TFCP2L1: variants seen among roughly 807,000 people sequenced by gnomAD.
TFCP2L1 encodes the protein transcription factor CP2 like 1.
TFCP2L1 carries 12 observed loss-of-function variants against 72.2 expected under a neutral mutation model. The observed-to-expected ratio is 0.17, with a 90% CI of 0.11 to 0.27. TFCP2L1 has a LOEUF of 0.27. Ranked by LOEUF, TFCP2L1 falls within the 10% of genes least tolerant of loss-of-function variation. The probability of loss-of-function intolerance (pLI) is 1.00; values close to 1 mark genes in which losing one functional copy is unlikely to be tolerated. For synonymous variants in TFCP2L1, 260 were observed against 251.0 expected, an observed-to-expected ratio of 1.04 and a Z score of -0.34; for missense variants, 488 against 624.6, an observed-to-expected ratio of 0.78 and a Z score of 2.33.
chr2:121,267,142 T>C (rs1686947938), intron 2 of TFCP2L1, among the ~76,000 whole-genome samples: 1 of 152,082 alleles, frequency 6.6e-6, no homozygotes, highest in African/African-American at 2.4e-5. Flanking sequence ...GGTCTTGAAC[T>C]CCTGGCCTCA....
intron 1 of TFCP2L1, among the ~76,000 whole-genome samples, chr2:121,281,684 T>A (rs1687265379): frequency 6.6e-6 from 1 of 152,204 alleles, no homozygotes; most frequent in Non-Finnish European, 1.5e-5. Flanking sequence ...ACATTTTTAT[T>A]TTTTAATCAA....
At chr2:121,271,785 CA>C (rs1400212042) in intron 2 of TFCP2L1, among the ~76,000 whole-genome samples, 1 of 152,170 alleles carries the variant, frequency 6.6e-6, no homozygotes, top group Non-Finnish European at 1.5e-5. Flanking sequence ...AGAAGCTGGT[CA>C]AAAAGACAGA....
intron 2 of TFCP2L1, among the ~76,000 whole-genome samples, chr2:121,258,118 T>G (rs1009115467): frequency 6.6e-6 from 1 of 152,164 alleles, no homozygotes; most frequent in Non-Finnish European, 1.5e-5. Flanking sequence ...ACCTCACTCA[T>G]GTAAAGAAAT....
In TFCP2L1 at chr2:121,234,097, G is replaced by A. The variant is rs759246199; in HGVS notation, c.1192C>T (p.Leu398=). 6.2e-7 allele frequency: 1 copy of A among 1,613,200 alleles called. No individual in the cohort carries two copies. The highest frequency in any genetic ancestry group is 2.2e-5 in the East Asian group (1 of 44,896). Residue 398 remains leucine (L), a synonymous_variant, in exon 12 of 15, where the codon CTG becomes TTG. Coordinates refer to ENST00000263707, the MANE Select transcript of TFCP2L1 (RefSeq NM_014553.3). ...TCTGCTCCCCACAACTCACCAGACA[G>A]GTTGCTGTCTCCACTGCCGTCCCGC... The part of the protein sequence containing the change: ...QKRDGSGDSN[L]SVYHAIFLEE...
At position 121,246,950 on chromosome 2, in the gene TFCP2L1, T is replaced by C. The variant is rs1361857786; in HGVS notation, c.525A>G (p.Glu175=). 6.2e-7 allele frequency: 1 copy of C among 1,614,086 alleles called. No homozygotes were observed. The highest frequency in any genetic ancestry group is 1.1e-5 in the South Asian group (1 of 91,076). Residue 175 remains glutamate, a synonymous_variant, in exon 6 of 15, where the codon GAA becomes GAG. Coordinates refer to ENST00000263707, the MANE Select transcript of TFCP2L1 (RefSeq NM_014553.3). ...CGCCCCCGTGCTTCCTGGGGGTGAA[T>C]TCTGTGCTGATGCAGTGTACCTGGG... ...AFIQVHCIST[E]FTPRKHGGEK... is the part of the protein sequence containing the mutation.
At chr2:121,250,475 C>T (rs977735054) in intron 2 of TFCP2L1, among the ~76,000 whole-genome samples, 1 of 150,188 alleles carries the variant, frequency 6.7e-6, no homozygotes, top group African/African-American at 2.5e-5. Context: ...ATATATATAA[C>T]TCAAATGATG....
intron 10 of TFCP2L1, among the ~76,000 whole-genome samples, chr2:121,236,996 G>A (rs1387850970): frequency 4.6e-5 from 7 of 152,216 alleles, no homozygotes; most frequent in East Asian, 1.9e-4. Context: ...ATGTGCGGGC[G>A]TCGTTTCTCT....
chr2:121,236,364 T>C (rs1054830196), intron 10 of TFCP2L1, among the ~76,000 whole-genome samples: 2 of 152,132 alleles, frequency 1.3e-5, no homozygotes, highest in Non-Finnish European at 2.9e-5. Flanking sequence ...ACCAGCAGCA[T>C]GTGAGGACGG....
intron 1 of TFCP2L1, among the ~76,000 whole-genome samples, chr2:121,284,618 C>T (rs1687328431): frequency 6.6e-6 from 1 of 152,200 alleles, no homozygotes; most frequent in South Asian, 2.1e-4. Context: ...AGAGGGGCCC[C>T]GGCGGAGACG....
At chr2:121,280,607 A>C (rs1687236104) in intron 2 of TFCP2L1, among the ~76,000 whole-genome samples, 1 of 151,976 alleles carries the variant, frequency 6.6e-6, no homozygotes, top group African/African-American at 2.4e-5. Context: ...CAAAAAATTT[A>C]AAAATTAGCC....
At position 121,231,593 on chromosome 2, in the gene TFCP2L1, C is replaced by T. The variant is rs541521408; in HGVS notation, c.1341+233G>A. On this transcript the variant is annotated intron_variant, in intron 13 of 14. Transcript: ENST00000263707. ...TGGAGTCTGTCCTCCTGGCTCCCAC[C>T]GGGCACCCAGCCCAGGAGGGGTAAG... 1.2e-4 allele frequency among the ~76,000 whole-genome samples: 19 copies of T among 152,370 alleles called. No homozygotes were observed. In the East Asian group the frequency reaches 1.9e-3, roughly 15 times the overall value.
Position 121,239,628 on chromosome 2 carries a change from C to T in TFCP2L1, c.790G>A (p.Ala264Thr). 1 of 1,614,152 alleles carries T rather than the reference C, an allele frequency of 6.2e-7. No individual in the cohort carries two copies. The highest frequency in any genetic ancestry group is 8.5e-7 in the Non-Finnish European group (1 of 1,180,014). ...LTECSPWPDV[A>T]YQVNSAPSPS... ...GACGGGGCGCTGTTCACCTGGTAGGCCACGTCGGGCCATGGAGAGCACTGC... is the reference window on the plus strand; with the variant it reads ...GACGGGGCGCTGTTCACCTGGTAGGTCACGTCGGGCCATGGAGAGCACTGC... Residue 264 changes from alanine (A) to threonine (T), a missense_variant, in exon 8 of 15, where the codon GCC (alanine) becomes ACC (threonine). By Grantham distance (58) the Ala-to-Thr change is moderately conservative. Transcript: ENST00000263707.
intron 2 of TFCP2L1, among the ~76,000 whole-genome samples, chr2:121,258,649 A>G (rs1167475333): frequency 6.6e-6 from 1 of 152,076 alleles, no homozygotes; most frequent in Non-Finnish European, 1.5e-5. Context: ...ACCATCTACA[A>G]CCTCCTGGCC....
At chr2:121,270,047 T>C (rs970700320) in intron 2 of TFCP2L1, among the ~76,000 whole-genome samples, 5 of 150,994 alleles carry the variant, frequency 3.3e-5, no homozygotes, top group African/African-American at 1.2e-4. Context: ...TACAAATAAA[T>C]AAGGATGAAA....
chr2:121,240,544 C>G, intron 7 of TFCP2L1: 1 of 985,440 alleles, frequency 1.0e-6, no homozygotes, highest in Non-Finnish European at 1.2e-6. Flanking sequence ...GAAAGCTGAA[C>G]AGCTGATAGA....
At chr2:121,235,403 T>C (rs1193205113) in intron 10 of TFCP2L1, 92 bp from the exon 11 acceptor site, 4 of 1,037,714 alleles carry the variant, frequency 3.9e-6, no homozygotes, top group Admixed American at 3.8e-5. Context: ...GCACTGGGGG[T>C]GGGGGGTGGG....
chr2:121,270,820 G>A (rs1306905341), intron 2 of TFCP2L1, among the ~76,000 whole-genome samples: 1 of 151,590 alleles, frequency 6.6e-6, no homozygotes, highest in East Asian at 1.9e-4. Flanking sequence ...AGTGAGCTAT[G>A]ATTGTGTCAC....
chr2:121,284,316 GGCCA>G (rs1197004345), intron 1 of TFCP2L1, among the ~76,000 whole-genome samples: 1 of 152,180 alleles, frequency 6.6e-6, no homozygotes, highest in Non-Finnish European at 1.5e-5. Context: ...CATTAGTCCC[GGCCA>G]GCAGCAGAAC....
intron 2 of TFCP2L1, among the ~76,000 whole-genome samples, chr2:121,263,544 A>G (rs1686868990): frequency 6.6e-6 from 1 of 152,152 alleles, no homozygotes; most frequent in Admixed American, 6.5e-5. Context: ...CAGTTACGAG[A>G]AATCAGACAA....
Sources: gnomAD v4.1 joint callset for allele counts (sites outside exome capture counted in the v4.1 genomes callset) on GRCh38, gnomAD v4.1.1 for gene constraint, MANE v1.5 for transcripts, NCBI Gene and HGNC (gene_info 2026-07-23, HGNC 2026-07-21) for gene names.